ATP8B1: variants seen among roughly 807,000 people sequenced by gnomAD.
ATP8B1 encodes the protein phospholipid-transporting ATPase IC.
A neutral mutation model predicts 149.9 loss-of-function variants in ATP8B1; 80 were observed. The observed-to-expected ratio is 0.53, with a 90% confidence interval of 0.45 to 0.64. The LOEUF is 0.64. Ranked by LOEUF, ATP8B1 falls within the 30% of genes least tolerant of loss-of-function variation. The pLI, the probability that ATP8B1 is intolerant of heterozygous loss-of-function variation, is 0.00. For synonymous variants in ATP8B1, 536 were observed against 562.8 expected (o/e 0.95, Z 0.67); for missense variants, 1,247 against 1,552.6 (o/e 0.80, Z 3.31).
chr18:57,658,652 TGTGTGTGTGTGTGTG>T (rs1026714827), intron 22 of ATP8B1, among the ~76,000 whole-genome samples: 3 of 149,026 alleles, frequency 2.0e-5, no homozygotes, highest in Admixed American at 7.0e-5. Context: ...TGTGTGTGTG[TGTGTGTGTGTGTGTG>T]TTCTTTTTTG....
Position 57,760,086 on chromosome 18 carries a change from G to A in ATP8B1, c.-25-28254C>T, listed in dbSNP as rs138015002. 2.6e-5 allele frequency among the ~76,000 whole-genome samples: 4 copies of A among 152,286 alleles called. No homozygotes were observed. In the East Asian group the frequency reaches 7.7e-4, roughly 29 times the overall value. The stretch of plus-strand genomic sequence containing the variant: ...TACCAGCAAGAAGGAGGTTGGTGCT[G>A]CAGTACCTGGATATTCCAAATTGGC... On this transcript the variant is annotated intron_variant, in intron 1 of 27. Coordinates refer to ENST00000648908, the MANE Select transcript of ATP8B1 (RefSeq NM_001374385.1).
At chr18:57,666,565 C>T (rs927216898) in intron 20 of ATP8B1, among the ~76,000 whole-genome samples, 7 of 146,864 alleles carry the variant, frequency 4.8e-5, no homozygotes, top group African/African-American at 1.8e-4. Flanking sequence ...GACAGAGTTT[C>T]ACTCTTGTCA....
chr18:57,704,810 G>A lies in ATP8B1; in HGVS notation c.280-142C>T, dbSNP rs181418956. ...AAGATATTGAGGATTTTGTCTGGGT[G>A]CGGTGGCTTATGCCTGCAATCCCAG... On this transcript the variant is annotated intron_variant, in intron 3 of 27. Coordinates refer to ENST00000648908, the MANE Select transcript of ATP8B1 (RefSeq NM_001374385.1). 258 of 681,502 alleles carry A rather than the reference G, an allele frequency of 3.8e-4. 1 individual carries two copies. The highest frequency in any genetic ancestry group is 2.4e-3 in the Middle Eastern group (6 of 2,524). 42.2% of individuals were successfully genotyped at this position (681,502 alleles called of 1,614,324 possible). A position where few individuals can be genotyped will look rare whatever the true frequency, so the allele number is the denominator to read the frequency against.
rs2080431059 is a variant in ATP8B1 at position 57,788,465 on chromosome 18, G to T, written c.-26+14533C>A. On this transcript the variant is annotated intron_variant, in intron 1 of 27. Coordinates refer to ENST00000648908, the MANE Select transcript of ATP8B1 (RefSeq NM_001374385.1). ...AGCTACTTGGGAGGCTGGGGCATGAGAATCGCTTGAACCCAGGAGGCAGAG... is the reference window on the plus strand; with the variant it reads ...AGCTACTTGGGAGGCTGGGGCATGATAATCGCTTGAACCCAGGAGGCAGAG... 1.3e-5 allele frequency among the ~76,000 whole-genome samples: 2 copies of T among 151,458 alleles called. 1 individual carries two copies. The highest frequency in any genetic ancestry group is 4.2e-4 in the South Asian group (2 of 4,790).
intron 2 of ATP8B1, among the ~76,000 whole-genome samples, chr18:57,718,568 AC>A (rs967043179): frequency 2.2e-4 from 34 of 152,182 alleles, no homozygotes; most frequent in African/African-American, 8.2e-4. Flanking sequence ...AAAAACAAAA[AC>A]AAAAAGACCT....
At chr18:57,658,139 T>C (rs1227067973) in intron 22 of ATP8B1, among the ~76,000 whole-genome samples, 1 of 151,962 alleles carries the variant, frequency 6.6e-6, no homozygotes, top group Non-Finnish European at 1.5e-5. Flanking sequence ...CTCTGCCTCC[T>C]GGGTTCCAGT....
intron 1 of ATP8B1, among the ~76,000 whole-genome samples, chr18:57,764,331 C>G (rs889046060): frequency 3.8e-5 from 2 of 52,014 alleles, no homozygotes; most frequent in African/African-American, 1.8e-4. Context: ...CTTTTTCTTT[C>G]TTTCTTTCTT....
intron 1 of ATP8B1, among the ~76,000 whole-genome samples, chr18:57,775,907 G>T (rs2123393879): frequency 6.6e-6 from 1 of 152,284 alleles, no homozygotes; most frequent in East Asian, 1.9e-4. Flanking sequence ...GCCTCCCAAA[G>T]TGCTGGGATT....
chr18:57,695,598 T>G, intron 8 of ATP8B1, 66 bp from the exon 9 acceptor site: 18 of 1,256,808 alleles, frequency 1.4e-5, no homozygotes, highest in East Asian at 9.4e-5. Flanking sequence ...AAGTTAATCA[T>G]CCAAAGTTAC....
At chr18:57,728,805 C>T (rs906191628) in intron 2 of ATP8B1, among the ~76,000 whole-genome samples, 1 of 151,342 alleles carries the variant, frequency 6.6e-6, no homozygotes, top group African/African-American at 2.4e-5. Flanking sequence ...CTGCAACCTC[C>T]ATTTCCCAGG....
chr18:57,653,387 C>T (rs971545946), intron 24 of ATP8B1, among the ~76,000 whole-genome samples: 2 of 150,092 alleles, frequency 1.3e-5, no homozygotes, highest in Non-Finnish European at 3.0e-5. Flanking sequence ...CAGGCTCAAG[C>T]GATCCTCCCA....
chr18:57,735,220 C>T lies in ATP8B1; in HGVS notation c.-25-3388G>A, dbSNP rs940668057. ...TCCACCACTGCTGTTTTGCTGCCGT[C>T]GCAGACCCGCCGCTGACTTCCATCC... On this transcript the variant is annotated intron_variant, in intron 1 of 27. Coordinates refer to ENST00000648908, the MANE Select transcript of ATP8B1 (RefSeq NM_001374385.1). The T allele has an allele frequency of 1.2e-4, 20 of 170,592 alleles. No homozygotes were observed. In the East Asian group the frequency reaches 2.9e-3, roughly 25 times the overall value. The allele number at this position is 170,592 out of a possible 1,614,324, so 10.6% of individuals were successfully genotyped here.
intron 15 of ATP8B1, among the ~76,000 whole-genome samples, chr18:57,678,547 AT>A (rs1327491557): frequency 6.7e-6 from 1 of 149,168 alleles, no homozygotes; most frequent in East Asian, 2.0e-4. Context: ...AGATCACACC[AT>A]TGCACTCCAG....
At chr18:57,738,649 ATAAAATAAAGCCATAAAACAG>A (rs1344660352) in intron 1 of ATP8B1, among the ~76,000 whole-genome samples, 1 of 151,858 alleles carries the variant, frequency 6.6e-6, no homozygotes, top group African/African-American at 2.4e-5. Flanking sequence ...ATAAAATAAA[ATAAAATAAAGCCATAAAACAG>A]TAAAGCCAGT....
intron 20 of ATP8B1, among the ~76,000 whole-genome samples, chr18:57,663,761 ATTTTTTT>A (rs10598900): frequency 1.0e-5 from 1 of 97,460 alleles, no homozygotes; most frequent in African/African-American, 4.1e-5. Flanking sequence ...TGCTTTGCCC[ATTTTTTT>A]TTTTTTTTTT....
intron 22 of ATP8B1, among the ~76,000 whole-genome samples, chr18:57,656,022 A>G (rs1031549541): frequency 2.0e-5 from 3 of 152,272 alleles, no homozygotes; most frequent in Admixed American, 1.3e-4. Flanking sequence ...AGCAGAGCTC[A>G]TATCTACTTT....
chr18:57,650,670 C>G (rs1246425808), intron 26 of ATP8B1, among the ~76,000 whole-genome samples, 173 bp from the exon 27 acceptor site: 1 of 152,006 alleles, frequency 6.6e-6, no homozygotes, highest in African/African-American at 2.4e-5. Context: ...TGGTGAAACC[C>G]CGTCTCTACT....
intron 1 of ATP8B1, among the ~76,000 whole-genome samples, chr18:57,798,249 A>G (rs981208556): frequency 2.0e-5 from 3 of 152,172 alleles, no homozygotes; most frequent in African/African-American, 7.2e-5. Context: ...TTAAACAGGT[A>G]GTAATTAAAA....
intron 4 of ATP8B1, among the ~76,000 whole-genome samples, chr18:57,702,623 C>T (rs897047994): frequency 1.4e-4 from 21 of 152,214 alleles, no homozygotes; most frequent in African/African-American, 4.1e-4. Flanking sequence ...TTTGGGAGGC[C>T]GAGGTGGGCG....
Sources: allele counts gnomAD v4.1 joint callset (sites outside exome capture counted in the v4.1 genomes callset), GRCh38; gene constraint gnomAD v4.1.1; transcripts MANE v1.5; gene names NCBI Gene and HGNC (gene_info 2026-07-23, HGNC 2026-07-21).